The following MAPK10 variants were observed in gnomAD, a reference collection of about 807,000 sequenced individuals.
MAPK10 encodes the protein JNK3 alpha protein kinase.
In MAPK10, 25 loss-of-function variants were observed where a neutral mutation model predicts 59.3. The ratio of observed to expected loss-of-function variants is 0.42; its 90% CI spans 0.31 to 0.59. MAPK10 has a LOEUF of 0.59. Ranked by LOEUF, MAPK10 falls within the 20% of genes least tolerant of loss-of-function variation. The pLI is 0.15. For synonymous variants in MAPK10, 190 were observed against 200.5 expected (o/e 0.95, Z 0.44); for missense variants, 351 against 568.9 (o/e 0.62, Z 3.90).
At chr4:86,395,777 C>A (rs1742826749) in intron 1 of MAPK10, among the ~76,000 whole-genome samples, 1 of 152,146 alleles carries the variant, frequency 6.6e-6, no homozygotes, top group African/African-American at 2.4e-5. Context: ...AGGGCTGCTT[C>A]CCACTGTGTT....
chr4:86,453,098 TG>T (rs1399884907), exon 1 of MAPK10: 1 of 152,232 alleles, frequency 6.6e-6, no homozygotes, highest in Non-Finnish European at 1.5e-5. Flanking sequence ...AAAATCCCTC[TG>T]GGCTCGCTGG....
At chr4:86,086,360 A>G (rs1251799972) in intron 9 of MAPK10, among the ~76,000 whole-genome samples, 1 of 152,170 alleles carries the variant, frequency 6.6e-6, no homozygotes, top group Non-Finnish European at 1.5e-5. Flanking sequence ...TGACTACAGT[A>G]AATAATAATT....
chr4:86,592,106 T>C (rs1341236972), intron 1 of MAPK10, among the ~76,000 whole-genome samples: 1 of 152,158 alleles, frequency 6.6e-6, no homozygotes, highest in East Asian at 1.9e-4. Context: ...TTTTCTGTTA[T>C]TGAACTATTG....
chr4:86,167,952 A>C (rs1424462996), intron 3 of MAPK10, among the ~76,000 whole-genome samples: 1 of 152,248 alleles, frequency 6.6e-6, no homozygotes, highest in Non-Finnish European at 1.5e-5. Context: ...CTGTTTGCAG[A>C]TGACATGATC....
At chr4:86,176,584 T>TA (rs2075727381) in intron 3 of MAPK10, among the ~76,000 whole-genome samples, 2 of 152,088 alleles carry the variant, frequency 1.3e-5, no homozygotes, top group Non-Finnish European at 2.9e-5. Context: ...AATTTTCTGT[T>TA]AAACTTGAGC....
intron 2 of MAPK10, among the ~76,000 whole-genome samples, chr4:86,302,087 T>C (rs2148848224): frequency 6.6e-6 from 1 of 152,208 alleles, no homozygotes; most frequent in Non-Finnish European, 1.5e-5. Flanking sequence ...ATGTGCACAA[T>C]CTTTTGAATT....
At chr4:86,232,363 A>G (rs950109665) in intron 2 of MAPK10, among the ~76,000 whole-genome samples, 10 of 151,862 alleles carry the variant, frequency 6.6e-5, no homozygotes, top group African/African-American at 1.9e-4. Context: ...GCAAAAATGT[A>G]TAATAGAATC....
intron 2 of MAPK10, among the ~76,000 whole-genome samples, chr4:86,223,592 G>C (rs2090069239): frequency 6.6e-6 from 1 of 152,098 alleles, no homozygotes; most frequent in Admixed American, 6.6e-5. Context: ...TTGCTACAAA[G>C]ACAAACCCGG....
intron 1 of MAPK10, among the ~76,000 whole-genome samples, chr4:86,451,448 G>A (rs1750709596): frequency 6.6e-6 from 1 of 152,162 alleles, no homozygotes; most frequent in African/African-American, 2.4e-5. Context: ...ATATTTATAT[G>A]ACATATTATA....
rs530697371 is a variant in MAPK10, at chr4:86,452,541, G to A, written c.-122+489C>T. Among the ~76,000 whole-genome samples, 61 of 151,200 alleles carry A rather than the reference G, an allele frequency of 4.0e-4. No homozygotes were observed. The South Asian group carries it at 0.012, about 29-fold the overall frequency. On this transcript the variant is annotated intron_variant, in intron 1 of 13. Coordinates refer to the MAPK10 transcript ENST00000361569. ...CGCACGCACACACACACACACACAC[G>A]CAAGTCTGAAAGCTTCTTTCAGTTT... is the stretch of plus-strand genomic sequence containing the variant.
chr4:86,147,272 G>C (rs1434812507), intron 4 of MAPK10, among the ~76,000 whole-genome samples: 1 of 152,048 alleles, frequency 6.6e-6, no homozygotes. Context: ...TTTGTTGGTA[G>C]AGACGGGGTT....
chr4:86,251,279 C>T (rs1583503677), intron 2 of MAPK10, among the ~76,000 whole-genome samples: 1 of 151,926 alleles, frequency 6.6e-6, no homozygotes, highest in Non-Finnish European at 1.5e-5. Flanking sequence ...CACCCACTAA[C>T]TCGTCATCTA....
chr4:86,365,852 A>G (rs1032135283), intron 1 of MAPK10, among the ~76,000 whole-genome samples: 12 of 148,532 alleles, frequency 8.1e-5, no homozygotes, highest in African/African-American at 2.0e-4. Context: ...TCTATCAATC[A>G]TAAGAGTTTT....
chr4:86,029,446 G>C (rs1449806433), intron 12 of MAPK10, among the ~76,000 whole-genome samples, 172 bp from the exon 13 acceptor site: 1 of 152,064 alleles, frequency 6.6e-6, no homozygotes, highest in African/African-American at 2.4e-5. Flanking sequence ...AATTAGCAGA[G>C]AGCCTGGCAC....
Position 86,372,494 on chromosome 4 carries a change from C to T in MAPK10, c.-121-17850G>A, listed in dbSNP as rs111610802. 9.6e-3 allele frequency among the ~76,000 whole-genome samples: 1,315 copies of T among 136,596 alleles called. 14 individuals carry two copies. Among genetic ancestry groups the T allele is most frequent in the African/African-American group, 0.035 (1,239 of 35,526 alleles). 89.6% of individuals were successfully genotyped at this position (136,596 alleles called of 152,430 possible). The stretch of plus-strand genomic sequence containing the variant: ...ATGACACCACTGCACTCCAGACTGG[C>T]GACAGAGTAAGACTCCATCTCAAAC... On this transcript the variant is annotated intron_variant, in intron 1 of 13. Transcript: ENST00000361569.
At chr4:86,468,493 A>C (rs114447976) in intron 1 of MAPK10, among the ~76,000 whole-genome samples, 4 of 152,342 alleles carry the variant, frequency 2.6e-5, no homozygotes, top group African/African-American at 9.6e-5. Flanking sequence ...ATTAAATAGA[A>C]AAATAGTCAT....
At chr4:86,157,684 C>G (rs1469786924) in intron 4 of MAPK10, among the ~76,000 whole-genome samples, 1 of 151,908 alleles carries the variant, frequency 6.6e-6, no homozygotes, top group Non-Finnish European at 1.5e-5. Flanking sequence ...TATATCTAAG[C>G]CAAAGATAAC....
chr4:86,217,448 C>T (rs988248070), intron 2 of MAPK10, among the ~76,000 whole-genome samples: 12 of 152,178 alleles, frequency 7.9e-5, no homozygotes, highest in Admixed American at 7.9e-4. Context: ...AGTATCCAAA[C>T]TGTTATTTTT....
At chr4:86,218,587 A>AAC (rs371567781) in intron 2 of MAPK10, among the ~76,000 whole-genome samples, 57 of 143,142 alleles carry the variant, frequency 4.0e-4, no homozygotes, top group African/African-American at 1.4e-3. Context: ...AAAAAAAAAA[A>AAC]CACTTTGGGC....
Sources: gnomAD v4.1 joint callset for allele counts (sites outside exome capture counted in the v4.1 genomes callset) on GRCh38, gnomAD v4.1.1 for gene constraint, MANE v1.5 for transcripts, NCBI Gene and HGNC (gene_info 2026-07-23, HGNC 2026-07-21) for gene names.